PCDH9: variants seen among roughly 807,000 people sequenced by gnomAD.
The protein encoded by PCDH9 is protocadherin 9, also known as protocadherin-9.
In PCDH9, 24 loss-of-function variants were observed where a neutral mutation model predicts 70.6. The ratio of observed to expected loss-of-function variants is 0.34; its 90% CI spans 0.25 to 0.48. PCDH9 has a LOEUF of 0.48. PCDH9 is among the 20% of genes least tolerant of loss of function. PCDH9 has a pLI of 0.99. For synonymous variants in PCDH9, 562 were observed against 558.5 expected (o/e 1.01, Z -0.09); for missense variants, 1,281 against 1,503.6 (o/e 0.85, Z 2.45).
At chr13:67,176,227 G>C (rs1349746829) in intron 2 of PCDH9, among the ~76,000 whole-genome samples, 1 of 152,138 alleles carries the variant, frequency 6.6e-6, no homozygotes, top group African/African-American at 2.4e-5. Context: ...AACTCAAAAA[G>C]AGCGGTGATG....
chr13:66,392,500 A>G (rs1035450786), intron 4 of PCDH9, among the ~76,000 whole-genome samples: 1 of 152,192 alleles, frequency 6.6e-6, no homozygotes, highest in African/African-American at 2.4e-5. Context: ...CCAGAATGAA[A>G]TCTTTATTCC....
intron 3 of PCDH9, among the ~76,000 whole-genome samples, chr13:66,695,126 C>T (rs1273503190): frequency 1.3e-5 from 2 of 152,030 alleles, no homozygotes; most frequent in African/African-American, 2.4e-5. Flanking sequence ...GATGGTCTCG[C>T]TCTCATGACC....
At chr13:66,680,512 T>C (rs1241400333) in intron 3 of PCDH9, among the ~76,000 whole-genome samples, 1 of 152,076 alleles carries the variant, frequency 6.6e-6, no homozygotes, top group East Asian at 1.9e-4. Context: ...ATTGACTCTG[T>C]AATTTTCTTT....
At chr13:66,450,868 A>C (rs1958193185) in intron 4 of PCDH9, among the ~76,000 whole-genome samples, 1 of 152,270 alleles carries the variant, frequency 6.6e-6, no homozygotes, top group South Asian at 2.1e-4. Flanking sequence ...ATACAAAAAA[A>C]TTAGCCAGGC....
intron 2 of PCDH9, among the ~76,000 whole-genome samples, chr13:66,928,454 C>T (rs1341758411): frequency 6.6e-6 from 1 of 152,064 alleles, no homozygotes; most frequent in African/African-American, 2.4e-5. Flanking sequence ...GCTCAGAATA[C>T]TGAGGAAATC....
chr13:67,181,142 C>T (rs1927821), intron 2 of PCDH9, among the ~76,000 whole-genome samples: 15,964 of 152,118 alleles, frequency 0.1, 934 homozygotes, highest in Non-Finnish European at 0.14. Context: ...TAACATAATG[C>T]TGGTTTTCTA....
At chr13:66,922,937 A>C (rs944285474) in intron 2 of PCDH9, among the ~76,000 whole-genome samples, 1 of 151,460 alleles carries the variant, frequency 6.6e-6, no homozygotes, top group African/African-American at 2.4e-5. Flanking sequence ...AATACACTTT[A>C]GAAGTGTGTT....
rs373795082 is a variant in PCDH9, at chr13:66,351,209, G to T, written c.3341-46181C>A. On this transcript the variant is annotated intron_variant, in intron 4 of 4. Transcript: ENST00000377865. ...TTATGTATAAAAATTATCCTTCCAA[G>T]TTTTGGCAGATGAGCCCAGCCTGGC... Among the ~76,000 whole-genome samples the T allele has an allele frequency of 2.6e-5, 4 of 151,934 alleles. No homozygotes were observed. The South Asian group carries it at 8.3e-4, about 32-fold the overall frequency.
intron 3 of PCDH9, among the ~76,000 whole-genome samples, chr13:66,874,543 G>T (rs1023842866): frequency 2.0e-5 from 3 of 152,140 alleles, no homozygotes; most frequent in Non-Finnish European, 4.4e-5. Flanking sequence ...AGGCAGGGCA[G>T]CACTGTGCCC....
At chr13:66,455,137 G>A (rs1958293054) in intron 4 of PCDH9, among the ~76,000 whole-genome samples, 1 of 151,800 alleles carries the variant, frequency 6.6e-6, no homozygotes, top group South Asian at 2.1e-4. Flanking sequence ...TCAATTGTAA[G>A]TTTCATAATT....
intron 4 of PCDH9, among the ~76,000 whole-genome samples, chr13:66,311,434 T>C (rs1424657469): frequency 1.3e-5 from 2 of 151,762 alleles, no homozygotes; most frequent in African/African-American, 4.8e-5. Flanking sequence ...ATAACTTTTT[T>C]TGTGGATTGA....
chr13:66,498,511 G>T (rs1959152480), intron 4 of PCDH9, among the ~76,000 whole-genome samples: 1 of 151,968 alleles, frequency 6.6e-6, no homozygotes. Context: ...CCTTGCATTG[G>T]CTACTCACCT....
chr13:67,224,798 G>A (rs1486378493), intron 2 of PCDH9: 32 of 867,810 alleles, frequency 3.7e-5, no homozygotes, highest in African/African-American at 1.3e-4. Context: ...ATTAAGTACC[G>A]AATTTAATAT....
At chr13:67,089,899 T>C (rs999871528) in intron 2 of PCDH9, among the ~76,000 whole-genome samples, 1 of 152,008 alleles carries the variant, frequency 6.6e-6, no homozygotes, top group Admixed American at 6.6e-5. Flanking sequence ...TACATGTAAC[T>C]ACAATGATTC....
At chr13:67,027,650 A>T (rs1325033942) in intron 2 of PCDH9, among the ~76,000 whole-genome samples, 2 of 150,440 alleles carry the variant, frequency 1.3e-5, no homozygotes, top group African/African-American at 4.9e-5. Context: ...AATGGGAGAA[A>T]ATTTTCACAA....
At chr13:67,098,481 C>T (rs971904129) in intron 2 of PCDH9, among the ~76,000 whole-genome samples, 16 of 152,184 alleles carry the variant, frequency 1.1e-4, no homozygotes, top group African/African-American at 3.9e-4. Flanking sequence ...TGTCACTTTC[C>T]TATCTTCTGA....
intron 2 of PCDH9, among the ~76,000 whole-genome samples, chr13:66,937,831 T>TGTC (rs979826220): frequency 2.6e-5 from 4 of 152,062 alleles, no homozygotes; most frequent in African/African-American, 9.7e-5. Flanking sequence ...TTTTTTTTTT[T>TGTC]TGTCTATAAA....
intron 2 of PCDH9, among the ~76,000 whole-genome samples, chr13:67,159,188 C>G (rs553087793): frequency 6.6e-6 from 1 of 152,130 alleles, no homozygotes; most frequent in Non-Finnish European, 1.5e-5. Context: ...GAACTCTAGG[C>G]AAGAGGGTTG....
chr13:66,813,626 T>C (rs2080551201), intron 3 of PCDH9, among the ~76,000 whole-genome samples: 1 of 152,060 alleles, frequency 6.6e-6, no homozygotes, highest in Non-Finnish European at 1.5e-5. Flanking sequence ...AAAGAAAAAA[T>C]ATATCGTTTG....
Sources: gnomAD v4.1 joint callset for allele counts (sites outside exome capture counted in the v4.1 genomes callset) on GRCh38, gnomAD v4.1.1 for gene constraint, MANE v1.5 for transcripts, NCBI Gene and HGNC (gene_info 2026-07-23, HGNC 2026-07-21) for gene names.